BMP2K: variants seen among roughly 807,000 people sequenced by gnomAD.
BMP2K encodes the protein BMP-2-inducible protein kinase.
In BMP2K, 74 loss-of-function variants were observed where a neutral mutation model predicts 116.0. That is an observed-to-expected ratio of 0.64 (90% CI 0.53 to 0.77). The LOEUF (loss-of-function observed/expected upper bound fraction) is 0.77. Ranked by LOEUF, BMP2K falls within the 30% of genes least tolerant of loss-of-function variation. The pLI is 0.00. For synonymous variants in BMP2K, 486 were observed against 502.5 expected, an observed-to-expected ratio of 0.97 and a Z score of 0.44; for missense variants, 1,365 against 1,403.6, an observed-to-expected ratio of 0.97 and a Z score of 0.44.
At chr4:78,850,012 C>T (rs997014201) in intron 6 of BMP2K, among the ~76,000 whole-genome samples, 5 of 151,708 alleles carry the variant, frequency 3.3e-5, no homozygotes, top group Non-Finnish European at 5.9e-5. Flanking sequence ...GGCCAAGTTT[C>T]GGTATTGCTG....
chr4:78,842,539 A>G lies in BMP2K; in HGVS notation c.546+12A>G, dbSNP rs1730811451. ...ACCGGGATCTGAAGGTAAGAACTTTAGAATTCCTATGGATTAAGTAATAAG... is the reference window on the plus strand; with the variant it reads ...ACCGGGATCTGAAGGTAAGAACTTTGGAATTCCTATGGATTAAGTAATAAG... On this transcript the variant is annotated intron_variant, in intron 4 of 15. Transcript: ENST00000502613. 7 of 1,559,790 alleles carry G rather than the reference A, an allele frequency of 4.5e-6. No individual in the cohort carries two copies. The highest frequency in any genetic ancestry group is 6.1e-6 in the Non-Finnish European group (7 of 1,142,538).
At chr4:78,852,109 C>G (rs1731280527) in intron 7 of BMP2K, among the ~76,000 whole-genome samples, 1 of 151,842 alleles carries the variant, frequency 6.6e-6, no homozygotes, top group Non-Finnish European at 1.5e-5. Context: ...AATTTGCTTA[C>G]AGTAGTAGGA....
chr4:78,873,731 T>C (rs977829017), intron 13 of BMP2K, among the ~76,000 whole-genome samples: 2 of 151,372 alleles, frequency 1.3e-5, no homozygotes, highest in Non-Finnish European at 2.9e-5. Context: ...TGTGTGCACA[T>C]GTGCAAGAGA....
chr4:78,834,504 G>A (rs1437008271), intron 3 of BMP2K, among the ~76,000 whole-genome samples: 3 of 151,954 alleles, frequency 2.0e-5, no homozygotes, highest in African/African-American at 4.8e-5. Flanking sequence ...CTCGTGATCC[G>A]CCCGCCTCAG....
intron 14 of BMP2K, chr4:78,879,160 T>C (rs1732779106): frequency 7.0e-6 from 8 of 1,137,750 alleles, no homozygotes; most frequent in African/African-American, 3.2e-5. Context: ...GAATGTTAAA[T>C]TCAGAATATC....
intron 1 of BMP2K, among the ~76,000 whole-genome samples, chr4:78,780,900 G>T (rs138776335): frequency 6.6e-6 from 1 of 152,128 alleles, no homozygotes; most frequent in Non-Finnish European, 1.5e-5. Flanking sequence ...AGTTTAGACT[G>T]GGGGGTCAAG....
rs1734815720 is a variant in BMP2K, at chr4:78,913,792, C to G, written c.*1759C>G. ...AAATATAGATTTGTGGATAGGGAAG[C>G]AATATGTGAATCACAATGTAGCAGA... On this transcript the variant is annotated 3_prime_UTR_variant, in exon 16 of 16. Transcript: ENST00000502613. 6.6e-6 allele frequency: 1 copy of G among 151,950 alleles called. No homozygotes were observed. The highest frequency in any genetic ancestry group is 2.4e-5 in the African/African-American group (1 of 41,374). 9.4% of individuals were successfully genotyped at this position (151,950 alleles called of 1,614,324 possible). A position where few individuals can be genotyped will look rare whatever the true frequency, so the allele number is the denominator to read the frequency against.
intron 1 of BMP2K, among the ~76,000 whole-genome samples, chr4:78,795,565 G>A (rs1578473106): frequency 6.6e-6 from 1 of 152,198 alleles, no homozygotes; most frequent in East Asian, 1.9e-4. Flanking sequence ...AAGAGCTTCT[G>A]CACAGCAAAA....
At chr4:78,891,464 C>T (rs982208916) in intron 15 of BMP2K, among the ~76,000 whole-genome samples, 1 of 152,086 alleles carries the variant, frequency 6.6e-6, no homozygotes, top group African/African-American at 2.4e-5. Flanking sequence ...ATTTTTTCTT[C>T]CTCTTTCTGG....
intron 1 of BMP2K, among the ~76,000 whole-genome samples, chr4:78,815,829 A>C (rs955533004): frequency 6.6e-6 from 1 of 152,152 alleles, no homozygotes; most frequent in African/African-American, 2.4e-5. Context: ...TAGGATATAC[A>C]TGTGTTTAAG....
At chr4:78,780,209 A>G (rs939587816) in intron 1 of BMP2K, among the ~76,000 whole-genome samples, 4 of 152,166 alleles carry the variant, frequency 2.6e-5, no homozygotes, top group Non-Finnish European at 5.9e-5. Context: ...CCTTGGTACA[A>G]AATGGACCTA....
At chr4:78,784,041 C>A (rs368966015) in intron 1 of BMP2K, among the ~76,000 whole-genome samples, 3 of 152,104 alleles carry the variant, frequency 2.0e-5, no homozygotes, top group African/African-American at 7.2e-5. Context: ...TGGAAAAGGT[C>A]CTTGATGTTG....
In BMP2K at chr4:78,818,224, C is replaced by T. The variant is rs138460012; in HGVS notation, c.179-7813C>T. On this transcript the variant is annotated intron_variant, in intron 1 of 15. Transcript: ENST00000502613. ...TGCCATGGTGGTTTGCTGCACCCATCAACCCTTTGGATATATACCCATCAT... is the reference window on the plus strand; with the variant it reads ...TGCCATGGTGGTTTGCTGCACCCATTAACCCTTTGGATATATACCCATCAT... Among the ~76,000 whole-genome samples, 104 of 152,268 alleles carry T rather than the reference C, an allele frequency of 6.8e-4. No individual in the cohort carries two copies. In the East Asian group the frequency reaches 0.02, roughly 29 times the overall value.
At chr4:78,832,030 A>C (rs1253757520) in intron 2 of BMP2K, among the ~76,000 whole-genome samples, 4 of 152,156 alleles carry the variant, frequency 2.6e-5, no homozygotes, top group Non-Finnish European at 4.4e-5. Flanking sequence ...TTATGGCTGA[A>C]TAATATCCCA....
At chr4:78,810,428 C>T (rs1009821717) in intron 1 of BMP2K, among the ~76,000 whole-genome samples, 12 of 152,076 alleles carry the variant, frequency 7.9e-5, no homozygotes, top group Admixed American at 2.0e-4. Flanking sequence ...GTTTTTTGGT[C>T]GACCTCTTTT....
intron 1 of BMP2K, among the ~76,000 whole-genome samples, chr4:78,785,171 T>C (rs1424864582): frequency 6.6e-6 from 1 of 152,156 alleles, no homozygotes; most frequent in Non-Finnish European, 1.5e-5. Flanking sequence ...AGTGCAGTGC[T>C]GCAGTTGTGG....
In BMP2K at chr4:78,851,604, G is replaced by GCCT. The variant is rs1330859381; in HGVS notation, c.883+551_883+553dup. Among the ~76,000 whole-genome samples the GCCT allele has an allele frequency of 2.0e-5, 3 of 152,040 alleles. No homozygotes were observed. In the East Asian group the frequency reaches 5.8e-4, roughly 29 times the overall value. On this transcript the variant is annotated intron_variant, in intron 7 of 15. Coordinates refer to ENST00000502613, the MANE Select transcript of BMP2K (RefSeq NM_198892.2). ...CTGCATTCAAGTACCCCTTGTTGTAGCCTCCAGCTCACTGGAATAGAAAAG... is the reference window on the plus strand; with the variant it reads ...CTGCATTCAAGTACCCCTTGTTGTAGCCTCCTCCAGCTCACTGGAATAGAAAAG...
chr4:78,841,808 A>G (rs1425843189), intron 3 of BMP2K, among the ~76,000 whole-genome samples: 2 of 152,026 alleles, frequency 1.3e-5, no homozygotes, highest in Non-Finnish European at 2.9e-5. Context: ...CAGTATCGCT[A>G]GTATATTGTT....
intron 15 of BMP2K, among the ~76,000 whole-genome samples, chr4:78,895,987 T>C (rs181607897): frequency 2.0e-5 from 3 of 152,210 alleles, no homozygotes; most frequent in African/African-American, 7.2e-5. Context: ...ATCTTGAATT[T>C]CTGGGTTCAA....
Sources: allele counts gnomAD v4.1 joint callset (sites outside exome capture counted in the v4.1 genomes callset), GRCh38; gene constraint gnomAD v4.1.1; transcripts MANE v1.5; gene names NCBI Gene and HGNC (gene_info 2026-07-23, HGNC 2026-07-21).